The following ITPR3 variants were observed in gnomAD, a reference collection of about 807,000 sequenced individuals.
The protein encoded by ITPR3 is inositol 1,4,5-trisphosphate-gated calcium channel ITPR3.
ITPR3 carries 173 observed loss-of-function variants against 293.2 expected under a neutral mutation model. That is an observed-to-expected ratio of 0.59 (90% CI 0.52 to 0.67). The LOEUF is 0.67. Among genes scored for constraint, ITPR3 ranks in the 30% least tolerant of loss-of-function variants. The probability of loss-of-function intolerance (pLI) is 0.00; values close to 1 mark genes in which losing one functional copy is unlikely to be tolerated. For missense variants in ITPR3, 2,796 were observed against 3,592.1 expected (o/e 0.78, Z 5.66); for synonymous variants, 1,295 against 1,444.4 (o/e 0.90, Z 2.35).
At position 33,686,260 on chromosome 6, in the gene ITPR3, T is replaced by C; in HGVS notation, c.5868+7T>C. 8 of 1,612,494 alleles carry C rather than the reference T, an allele frequency of 5.0e-6. No individual in the cohort carries two copies. Among genetic ancestry groups the C allele is most frequent in the Non-Finnish European group, 1.7e-6 (2 of 1,179,124 alleles). ...CCCCTGCCATGAGAACCAGGTGAGC[T>C]GTCCTGGTGGCATAAGTGGCAGCCA... is the stretch of plus-strand genomic sequence containing the variant. On this transcript the variant is annotated splice_region_variant and intron_variant, in intron 42 of 57. Transcript: ENST00000605930.
chr6:33,647,974 T>G (rs1483264439), intron 2 of ITPR3, among the ~76,000 whole-genome samples: 1 of 152,170 alleles, frequency 6.6e-6, no homozygotes, highest in Non-Finnish European at 1.5e-5. Flanking sequence ...AGCAATGTAA[T>G]AAGAGAAAGC....
chr6:33,647,279 A>G (rs563505562), intron 2 of ITPR3, among the ~76,000 whole-genome samples: 1 of 152,236 alleles, frequency 6.6e-6, no homozygotes, highest in South Asian at 2.1e-4. Context: ...GCCCGCTTCA[A>G]CCTCCCAGAA....
At chr6:33,657,614 G>T (rs1397081108) in intron 3 of ITPR3, among the ~76,000 whole-genome samples, 4 of 151,450 alleles carry the variant, frequency 2.6e-5, no homozygotes, top group African/African-American at 9.7e-5. Flanking sequence ...TCCTGGGGGG[G>T]TAAGGGGATT....
chr6:33,632,450 C>T lies in ITPR3; in HGVS notation c.90-8034C>T, dbSNP rs987247263. Among the ~76,000 whole-genome samples, 4 of 152,210 alleles carry T rather than the reference C, an allele frequency of 2.6e-5. No individual in the cohort carries two copies. The highest frequency in any genetic ancestry group is 2.1e-4 in the South Asian group (1 of 4,828). Reference sequence around the variant, plus strand: ...CACTGACCCACCCTGCTACCTTTCCCATGGCGCCCACCTGGATCTCAAAGT... The same window carrying T: ...CACTGACCCACCCTGCTACCTTTCCTATGGCGCCCACCTGGATCTCAAAGT... On this transcript the variant is annotated intron_variant, in intron 1 of 57. Coordinates refer to ENST00000605930, the MANE Select transcript of ITPR3 (RefSeq NM_002224.4). This position sits in a 1 kb window ranked among gnomAD's most constrained non-coding sequence, Gnocchi z 4.1.
chr6:33,628,425 A>G (rs1004220900), intron 1 of ITPR3, among the ~76,000 whole-genome samples: 4 of 152,228 alleles, frequency 2.6e-5, no homozygotes, highest in Non-Finnish European at 5.9e-5. Context: ...GACACCCAGC[A>G]TTTGTACCTG....
At chr6:33,673,558 C>G (rs1259476643) in intron 22 of ITPR3, 33 bp from the exon 23 acceptor site, 2 of 1,612,182 alleles carry the variant, frequency 1.2e-6, no homozygotes, top group Non-Finnish European at 1.7e-6. Flanking sequence ...AGTCCTCACC[C>G]CATCCTCACC....
chr6:33,691,714 T>G lies in ITPR3; in HGVS notation c.7325T>G (p.Leu2442Arg). 6.2e-7 allele frequency: 1 copy of G among 1,613,846 alleles called. No individual in the cohort carries two copies. Among genetic ancestry groups the G allele is most frequent in the Non-Finnish European group, 8.5e-7 (1 of 1,179,904 alleles). ...CVSGLSVPEV[L>R]EEDRELDSTE... ...TCAGGGCTCTCGGTGCCTGAGGTCC[T>G]GGAAGGTGAGGGTGGTGTGTGTGCA... Residue 2442 changes from leucine to arginine, a missense_variant, in exon 53 of 58, where the codon CTG becomes CGG. Physicochemically the swap from Leu to Arg is moderately radical, Grantham distance 102. This residue lies in a region of ITPR3 where 568 missense variants were observed against 796.1 expected (regional missense o/e 0.71). Transcript: ENST00000605930. The surrounding 1 kb of genome is among the most constrained non-coding windows in gnomAD (Gnocchi z 4.9).
At position 33,685,503 on chromosome 6, in the gene ITPR3, G is replaced by A. The variant is rs867921739; in HGVS notation, c.5452G>A (p.Asp1818Asn). 9.9e-6 allele frequency: 16 copies of A among 1,612,750 alleles called. No homozygotes were observed. The highest frequency in any genetic ancestry group is 2.7e-5 in the African/African-American group (2 of 74,900). The change falls in exon 40 of 58, where the codon GAC becomes AAC. Residue 1818 changes from aspartate to asparagine, a missense_variant. Asp to Asn is a conservative substitution (Grantham distance 23). Around this residue, in one of 8 missense-constraint regions of ITPR3, gnomAD observed 704 missense variants for 797.5 expected, o/e 0.88. Transcript: ENST00000605930. ...MNDLGSQPHE[D>N]REPVDPTTKG... The stretch of plus-strand genomic sequence containing the variant: ...TGACCTGGGCAGCCAGCCACATGAG[G>A]ACCGCGAGCCAGTCGACCCCACCAC...
In ITPR3 at chr6:33,691,544, C is replaced by T. The variant is rs935047369; in HGVS notation, c.7226-71C>T. On this transcript the variant is annotated intron_variant, in intron 52 of 57. Transcript: ENST00000605930. This position sits in a 1 kb window ranked among gnomAD's most constrained non-coding sequence, Gnocchi z 4.9. Reference sequence around the variant, plus strand: ...AGGGAAGGTTTCCTGGAGGATGTGACACTGGGGACAGAGCCAGGGGATAAG... The same window carrying T: ...AGGGAAGGTTTCCTGGAGGATGTGATACTGGGGACAGAGCCAGGGGATAAG... The T allele has an allele frequency of 8.7e-5, 113 of 1,291,622 alleles. No homozygotes were observed. Among genetic ancestry groups the T allele is most frequent in the Non-Finnish European group, 1.0e-4 (90 of 903,540 alleles). 80.0% of individuals were successfully genotyped at this position (1,291,622 alleles called of 1,614,324 possible). A position where few individuals can be genotyped will look rare whatever the true frequency, so the allele number is the denominator to read the frequency against.
In ITPR3 at chr6:33,678,679, A is replaced by G. The variant is rs1764981577; in HGVS notation, c.3812A>G (p.Asn1271Ser). 6.2e-7 allele frequency: 1 copy of G among 1,613,038 alleles called. No homozygotes were observed. The highest frequency in any genetic ancestry group is 1.3e-5 in the African/African-American group (1 of 74,904). The change falls in exon 30 of 58, where the codon AAC becomes AGC. Residue 1271 changes from asparagine to serine, a missense_variant. Physicochemically the swap from Asn to Ser is conservative, Grantham distance 46. Coordinates refer to ENST00000605930, the MANE Select transcript of ITPR3 (RefSeq NM_002224.4). ...AETMQHIFLN[N>S]YQLCSEISEP... Reference sequence around the variant, plus strand: ...ACCATGCAGCACATCTTCCTGAACAACTATCAGCTCTGCTCCGAGATCAGC... The same window carrying G: ...ACCATGCAGCACATCTTCCTGAACAGCTATCAGCTCTGCTCCGAGATCAGC...
Position 33,679,849 on chromosome 6 carries a change from G to C in ITPR3, c.3973-33G>C. ...GAGAGCCCAGGGCTTGCTGGACCGA[G>C]AGAGTGTGACACGTGCCCCCTCCCA... On this transcript the variant is annotated intron_variant, in intron 30 of 57. Coordinates refer to ENST00000605930, the MANE Select transcript of ITPR3 (RefSeq NM_002224.4). The surrounding 1 kb of genome is among the most constrained non-coding windows in gnomAD (Gnocchi z 4.2). 2 of 1,590,884 alleles carry C rather than the reference G, an allele frequency of 1.3e-6. No individual in the cohort carries two copies. Among genetic ancestry groups the C allele is most frequent in the Non-Finnish European group, 1.7e-6 (2 of 1,165,360 alleles).
chr6:33,677,022 C>T lies in ITPR3; in HGVS notation c.3455C>T (p.Thr1152Met), dbSNP rs761582859. ...GAAKDKKERP[T>M]DEEGFLHPPG... ...TCCTCTCTCTGCTTTCAGCGTCCCA[C>T]GGACGAGGAGGGCTTTCTGCACCCA... is the stretch of plus-strand genomic sequence containing the variant. Residue 1152 changes from threonine (T) to methionine (M), a missense_variant, in exon 27 of 58, where the codon ACG (threonine) becomes ATG (methionine). This residue lies in a region of ITPR3 where 344 missense variants were observed against 460.3 expected (regional missense o/e 0.75). Coordinates refer to ENST00000605930, the MANE Select transcript of ITPR3 (RefSeq NM_002224.4). The T allele has an allele frequency of 1.2e-5, 20 of 1,614,042 alleles. No individual in the cohort carries two copies. Among genetic ancestry groups the T allele is most frequent in the African/African-American group, 4.0e-5 (3 of 74,926 alleles).
intron 1 of ITPR3, among the ~76,000 whole-genome samples, chr6:33,630,686 C>T (rs1054902868): frequency 4.6e-4 from 70 of 152,200 alleles, no homozygotes; most frequent in African/African-American, 1.7e-3. Flanking sequence ...ACACTGGCCC[C>T]GACCTTTATT....
chr6:33,671,409 C>T (rs928194084), intron 21 of ITPR3, 103 bp downstream of exon 21: 2 of 790,424 alleles, frequency 2.5e-6, no homozygotes, highest in Admixed American at 4.9e-5. Context: ...GCATTCCCCC[C>T]ACCCAACCTG....
In ITPR3 at chr6:33,640,532, C is replaced by CA; in HGVS notation, c.140dup (p.Asn47LysfsTer4). On this transcript the variant is annotated frameshift_variant, in exon 2 of 58. Coordinates refer to ENST00000605930, the MANE Select transcript of ITPR3 (RefSeq NM_002224.4). LOFTEE classifies it high-confidence loss of function. ...TGGAGCCCGCGGCCGGGGACCTGGA[C>CA]AACCCCCCTAAGAAGTTCCGTGGTA... The CA allele has an allele frequency of 6.2e-7, 1 of 1,613,568 alleles. No homozygotes were observed. The highest frequency in any genetic ancestry group is 8.5e-7 in the Non-Finnish European group (1 of 1,179,726).
At chr6:33,659,796 C>T (rs2296341) in intron 7 of ITPR3, among the ~76,000 whole-genome samples, 110,864 of 152,058 alleles carry the variant, frequency 0.73, 41,355 homozygotes, top group South Asian at 0.86. Context: ...TTGTTTTCTC[C>T]CTTGTTTAAG....
chr6:33,665,221 G>C lies in ITPR3; in HGVS notation c.1409+8G>C. 1 of 1,610,952 alleles carries C rather than the reference G, an allele frequency of 6.2e-7. No individual in the cohort carries two copies. The highest frequency in any genetic ancestry group is 8.5e-7 in the Non-Finnish European group (1 of 1,177,530). ...CAGCCAGAATGACCGCAGGTGGGCT[G>C]CAGTGGCACAGGGGTTTTCTGAGTG... On this transcript the variant is annotated splice_region_variant and intron_variant, in intron 13 of 57. Transcript: ENST00000605930.
intron 8 of ITPR3, 117 bp from the exon 9 acceptor site, chr6:33,662,794 C>A: frequency 6.7e-7 from 1 of 1,493,624 alleles, no homozygotes; most frequent in South Asian, 1.3e-5. Flanking sequence ...CCTCCAGAGT[C>A]AAAAGGCCAG....
At chr6:33,685,151 GGGT>G (rs1343430711) in intron 39 of ITPR3, among the ~76,000 whole-genome samples, 1 of 152,154 alleles carries the variant, frequency 6.6e-6, no homozygotes, top group African/African-American at 2.4e-5. Flanking sequence ...GGGTATGCGG[GGGT>G]GATGAAAGGA....
Sources: gnomAD v4.1 joint callset for allele counts (sites outside exome capture counted in the v4.1 genomes callset) on GRCh38, gnomAD v4.1.1 for gene constraint, gnomAD v4.1.1 regional missense constraint, Gnocchi (gnomAD v3.1) non-coding constraint, MANE v1.5 for transcripts, NCBI Gene and HGNC (gene_info 2026-07-23, HGNC 2026-07-21) for gene names.